The following TCF12 variants were observed in gnomAD, a reference collection of about 807,000 sequenced individuals.
TCF12 encodes DNA-binding protein HTF4.
TCF12 carries 45 observed loss-of-function variants against 86.0 expected under a neutral mutation model. The observed-to-expected ratio is 0.52, with a 90% CI of 0.41 to 0.67. The LOEUF is 0.67. TCF12 is among the 30% of genes least tolerant of loss of function. The pLI, the probability that TCF12 is intolerant of heterozygous loss-of-function variation, is 0.00. For missense variants in TCF12, 881 were observed against 859.9 expected, an observed-to-expected ratio of 1.02 and a Z score of -0.31; for synonymous variants, 330 against 299.6, an observed-to-expected ratio of 1.10 and a Z score of -1.05.
intron 4 of TCF12, among the ~76,000 whole-genome samples, chr15:57,080,588 C>T (rs1386050484): frequency 6.6e-6 from 1 of 152,144 alleles, no homozygotes; most frequent in Non-Finnish European, 1.5e-5. Flanking sequence ...AAGATTAGTG[C>T]CCCCTATCAT....
intron 4 of TCF12, among the ~76,000 whole-genome samples, chr15:57,067,939 A>T (rs1219440627): frequency 6.6e-6 from 1 of 152,176 alleles, no homozygotes; most frequent in Non-Finnish European, 1.5e-5. Context: ...CTTGCTTTTT[A>T]TTCTTTATTG....
chr15:57,025,413 G>A (rs28710916), intron 3 of TCF12, among the ~76,000 whole-genome samples: 2,078 of 152,118 alleles, frequency 0.014, 57 homozygotes, highest in African/African-American at 0.044. Flanking sequence ...ATTTATTGAG[G>A]TTTCTTTGGG....
intron 6 of TCF12, among the ~76,000 whole-genome samples, chr15:57,176,471 A>G (rs1248876428): frequency 6.6e-6 from 1 of 152,260 alleles, no homozygotes; most frequent in Non-Finnish European, 1.5e-5. Context: ...TGATGATACT[A>G]CATAATAACT....
intron 12 of TCF12, among the ~76,000 whole-genome samples, chr15:57,242,285 G>C (rs146272447): frequency 2.6e-5 from 4 of 152,242 alleles, no homozygotes; most frequent in African/African-American, 9.6e-5. Flanking sequence ...TGTCTGCCCT[G>C]AGTGCTGAGA....
At chr15:57,157,211 A>T (rs183032530) in intron 5 of TCF12, among the ~76,000 whole-genome samples, 121 of 152,284 alleles carry the variant, frequency 7.9e-4, no homozygotes, top group Non-Finnish European at 1.4e-3. Context: ...TTTTTTAAGA[A>T]TGAGATAAAC....
At chr15:57,190,488 C>T (rs546660704) in intron 6 of TCF12, among the ~76,000 whole-genome samples, 27 of 152,110 alleles carry the variant, frequency 1.8e-4, no homozygotes, top group African/African-American at 4.1e-4. Context: ...ATGGGGGATT[C>T]GTAAATGTAC....
chr15:56,944,169 T>A (rs769943437), intron 3 of TCF12, among the ~76,000 whole-genome samples: 5 of 152,230 alleles, frequency 3.3e-5, no homozygotes, highest in Non-Finnish European at 7.3e-5. Flanking sequence ...TGTATTATAT[T>A]GTGTTAAATG....
intron 4 of TCF12, 90 bp downstream of exon 4, chr15:57,063,913 A>C (rs934827552): frequency 9.5e-7 from 1 of 1,050,074 alleles, no homozygotes; most frequent in Non-Finnish European, 1.4e-6. Context: ...GAGAAATGAA[A>C]ATTAATTTCT....
chr15:57,058,292 C>G (rs577865711), intron 3 of TCF12, among the ~76,000 whole-genome samples: 38 of 152,248 alleles, frequency 2.5e-4, no homozygotes, highest in African/African-American at 9.1e-4. Context: ...TTGGGTTTTC[C>G]TTTTGTATCT....
At chr15:57,282,263 T>C in intron 19 of TCF12, 182 bp from the exon 20 acceptor site, 1 of 667,482 alleles carries the variant, frequency 1.5e-6, no homozygotes, top group Non-Finnish European at 2.5e-6. Flanking sequence ...AGATGGTCAC[T>C]TAGAAGTATA....
chr15:56,986,347 G>T (rs1729154864), intron 3 of TCF12, among the ~76,000 whole-genome samples: 1 of 152,094 alleles, frequency 6.6e-6, no homozygotes, highest in African/African-American at 2.4e-5. Flanking sequence ...TTGAGCTTCT[G>T]TTGATAAATA....
At chr15:57,213,935 T>C (rs1443614123) in intron 8 of TCF12, 4 of 152,144 alleles carry the variant, frequency 2.6e-5, no homozygotes, top group Non-Finnish European at 4.4e-5. Context: ...AACCTGAGGG[T>C]CATCCTCATT....
intron 5 of TCF12, among the ~76,000 whole-genome samples, chr15:57,149,436 C>G (rs116525995): frequency 0.012 from 1,768 of 152,244 alleles, 32 homozygotes; most frequent in African/African-American, 0.04. Flanking sequence ...AGCCTTTTAA[C>G]CTTTTAGAAA....
intron 3 of TCF12, among the ~76,000 whole-genome samples, chr15:57,006,417 C>T (rs1390666275): frequency 3.9e-5 from 6 of 151,924 alleles, no homozygotes; most frequent in Non-Finnish European, 8.8e-5. Context: ...TGATTCTCCT[C>T]CCTCAGCCTC....
At chr15:57,075,316 C>A (rs1386152831) in intron 4 of TCF12, among the ~76,000 whole-genome samples, 3 of 152,150 alleles carry the variant, frequency 2.0e-5, no homozygotes, top group Non-Finnish European at 4.4e-5. Flanking sequence ...TATCTTTCTT[C>A]CCTACTTCGA....
chr15:57,000,601 A>T (rs1377621648), intron 3 of TCF12, among the ~76,000 whole-genome samples: 1 of 152,226 alleles, frequency 6.6e-6, no homozygotes, highest in African/African-American at 2.4e-5. Flanking sequence ...AATTAAATCC[A>T]GTATAAGCAA....
chr15:57,269,145 T>C (rs1018584082), intron 18 of TCF12, among the ~76,000 whole-genome samples: 10 of 152,082 alleles, frequency 6.6e-5, no homozygotes, highest in African/African-American at 2.2e-4. Flanking sequence ...CCCATTATTA[T>C]TGTATGGGAG....
chr15:57,015,495 T>C (rs1596128579), intron 3 of TCF12, among the ~76,000 whole-genome samples: 3 of 152,186 alleles, frequency 2.0e-5, no homozygotes, highest in African/African-American at 7.2e-5. Context: ...TGCTCAGTTA[T>C]TCCATAAAGT....
At chr15:57,006,298 A>G (rs1316667521) in intron 3 of TCF12, among the ~76,000 whole-genome samples, 1 of 151,876 alleles carries the variant, frequency 6.6e-6, no homozygotes, top group African/African-American at 2.4e-5. Flanking sequence ...TACTGGATTT[A>G]AGATTGCTAT....
Sources: gnomAD v4.1 joint callset for allele counts (sites outside exome capture counted in the v4.1 genomes callset) on GRCh38, gnomAD v4.1.1 for gene constraint, MANE v1.5 for transcripts, NCBI Gene and HGNC (gene_info 2026-07-23, HGNC 2026-07-21) for gene names.